RP1: variants seen among roughly 807,000 people sequenced by gnomAD.
The protein encoded by RP1 is RP1 axonemal microtubule associated, also known as oxygen-regulated protein 1.
RP1 carries 16 observed loss-of-function variants against 14.8 expected under a neutral mutation model. That is an observed-to-expected ratio of 1.08 (90% CI 0.73 to 1.65). The LOEUF is 1.65. RP1 is among the 40% of genes most tolerant of loss of function. The pLI is 0.00. For missense variants in RP1, 2,631 were observed against 2,535.0 expected, an observed-to-expected ratio of 1.04 and a Z score of -0.81; for synonymous variants, 876 against 883.6, an observed-to-expected ratio of 0.99 and a Z score of 0.15.
At chr8:54,799,831 T>C (rs1342103748) in intron 24 of RP1, among the ~76,000 whole-genome samples, 1 of 152,032 alleles carries the variant, frequency 6.6e-6, no homozygotes, top group Non-Finnish European at 1.5e-5. Flanking sequence ...TATATGTGTA[T>C]ACATGCAATA....
intron 1 of RP1, among the ~76,000 whole-genome samples, chr8:54,580,974 A>G (rs1053807149): frequency 2.1e-4 from 32 of 151,826 alleles, no homozygotes; most frequent in Non-Finnish European, 4.1e-4. Context: ...CAATGAAATC[A>G]GGACTCAAAT....
intron 24 of RP1, among the ~76,000 whole-genome samples, chr8:54,787,067 A>C (rs1810336743): frequency 6.6e-6 from 1 of 152,166 alleles, no homozygotes; most frequent in South Asian, 2.1e-4. Context: ...GACTTCATAA[A>C]AGAAGAGGAT....
intron 25 of RP1, among the ~76,000 whole-genome samples, chr8:54,840,178 CTGA>C (rs1811757669): frequency 6.6e-6 from 1 of 151,982 alleles, no homozygotes; most frequent in African/African-American, 2.4e-5. Flanking sequence ...ATCCATGGTA[CTGA>C]TAAGAAACAG....
chr8:54,581,606 G>C (rs1341420883), intron 1 of RP1, among the ~76,000 whole-genome samples: 1 of 152,142 alleles, frequency 6.6e-6, no homozygotes, highest in Non-Finnish European at 1.5e-5. Flanking sequence ...GGTGGAACTA[G>C]TTTACAGTCC....
chr8:54,699,125 T>C (rs961418219), intron 12 of RP1, among the ~76,000 whole-genome samples: 8 of 150,710 alleles, frequency 5.3e-5, no homozygotes, highest in Non-Finnish European at 1.2e-4. Context: ...TTTAATATAT[T>C]TGATATATTA....
At chr8:54,853,267 G>A (rs1254843887) in intron 26 of RP1, among the ~76,000 whole-genome samples, 1 of 152,160 alleles carries the variant, frequency 6.6e-6, no homozygotes, top group Non-Finnish European at 1.5e-5. Context: ...GATAGTGTGA[G>A]TCCTCTTGAA....
intron 19 of RP1, among the ~76,000 whole-genome samples, chr8:54,753,040 T>G (rs2129365892): frequency 6.6e-6 from 1 of 152,336 alleles, no homozygotes; most frequent in African/African-American, 2.4e-5. Flanking sequence ...AGTAACCATA[T>G]GAGATAGTCA....
chr8:54,768,910 T>G (rs1809832547), intron 22 of RP1, among the ~76,000 whole-genome samples: 1 of 151,484 alleles, frequency 6.6e-6, no homozygotes, highest in Non-Finnish European at 1.5e-5. Flanking sequence ...TTTTTTTTTT[T>G]TTTTGAGACG....
At chr8:54,809,796 A>G (rs1162350810) in intron 24 of RP1, among the ~76,000 whole-genome samples, 1 of 152,216 alleles carries the variant, frequency 6.6e-6, no homozygotes, top group Non-Finnish European at 1.5e-5. Flanking sequence ...TATATTATTT[A>G]AGGTGGCAAT....
chr8:54,791,701 T>A (rs1810469559), intron 24 of RP1, among the ~76,000 whole-genome samples: 1 of 151,834 alleles, frequency 6.6e-6, no homozygotes, highest in Non-Finnish European at 1.5e-5. Context: ...CCACAAAGAA[T>A]AAACCTGCAG....
chr8:54,803,461 G>T (rs931350699), intron 24 of RP1, among the ~76,000 whole-genome samples: 1 of 152,140 alleles, frequency 6.6e-6, no homozygotes, highest in Non-Finnish European at 1.5e-5. Flanking sequence ...TGAGATAACT[G>T]TGAAGACTCC....
At chr8:54,717,498 T>C (rs925623859) in intron 15 of RP1, among the ~76,000 whole-genome samples, 10 of 152,176 alleles carry the variant, frequency 6.6e-5, no homozygotes, top group Non-Finnish European at 1.5e-4. Flanking sequence ...GAGTCAAATT[T>C]GATAGATCAT....
intron 1 of RP1, among the ~76,000 whole-genome samples, chr8:54,609,457 C>A (rs547584220): frequency 2.6e-4 from 40 of 152,180 alleles, no homozygotes; most frequent in Admixed American, 7.8e-4. Flanking sequence ...TTGTCTTAAA[C>A]AAACCAAAAG....
chr8:54,636,402 A>G (rs1025827561), intron 3 of RP1, among the ~76,000 whole-genome samples: 5 of 152,234 alleles, frequency 3.3e-5, no homozygotes, highest in Non-Finnish European at 5.9e-5. Flanking sequence ...GCCACTCTCA[A>G]GAAAAACCTC....
chr8:54,867,179 G>T (rs898166351), intron 28 of RP1, among the ~76,000 whole-genome samples: 3 of 152,122 alleles, frequency 2.0e-5, no homozygotes, highest in African/African-American at 7.2e-5. Flanking sequence ...GATGCACATT[G>T]GTTGACTGAC....
chr8:54,764,087 C>T (rs1207171841), intron 22 of RP1, among the ~76,000 whole-genome samples: 1 of 152,182 alleles, frequency 6.6e-6, no homozygotes, highest in Admixed American at 6.5e-5. Context: ...GTCCTCAGCA[C>T]CTTCTTATTA....
intron 16 of RP1, among the ~76,000 whole-genome samples, chr8:54,722,410 A>G (rs1808559059): frequency 6.6e-6 from 1 of 151,842 alleles, no homozygotes. Context: ...ATCTGGGACT[A>G]CAGGCGCCCG....
chr8:54,593,033 G>A lies in RP1; in HGVS notation c.-12-27922G>A, dbSNP rs191878094. On this transcript the variant is annotated intron_variant, in intron 1 of 22. Coordinates refer to the RP1 transcript ENST00000636932. ...AGCCTCTATGAGGAAGTCATGCAGG[G>A]AGAAAGCTTGAGAATGTGCCAAATT... Among the ~76,000 whole-genome samples, 75 of 152,270 alleles carry A rather than the reference G, an allele frequency of 4.9e-4. 1 individual carries two copies. Among genetic ancestry groups the A allele is most frequent in the Non-Finnish European group, 5.7e-4 (39 of 68,024 alleles).
chr8:54,814,954 A>G (rs1407627888), intron 24 of RP1, among the ~76,000 whole-genome samples: 2 of 152,248 alleles, frequency 1.3e-5, no homozygotes, highest in Non-Finnish European at 2.9e-5. Flanking sequence ...GGTTGCAGTG[A>G]GCCGAGATTG....
Sources: allele counts gnomAD v4.1 joint callset (sites outside exome capture counted in the v4.1 genomes callset), GRCh38; gene constraint gnomAD v4.1.1; transcripts MANE v1.5; gene names NCBI Gene and HGNC (gene_info 2026-07-23, HGNC 2026-07-21).